ABL1: variants seen among roughly 807,000 people sequenced by gnomAD.
ABL1 encodes ABL proto-oncogene 1, non-receptor tyrosine kinase.
ABL1 carries 11 observed loss-of-function variants against 94.7 expected under a neutral mutation model. The ratio of observed to expected loss-of-function variants is 0.12; its 90% CI spans 0.07 to 0.19. The LOEUF is 0.19. ABL1 is among the 10% of genes least tolerant of loss of function. The pLI is 1.00. For synonymous variants in ABL1, 656 were observed against 622.4 expected (o/e 1.05, Z -0.80); for missense variants, 1,082 against 1,489.4 (o/e 0.73, Z 4.50).
At chr9:130,878,056 G>A (rs1041441917) in intron 7 of ABL1, among the ~76,000 whole-genome samples, 3 of 151,784 alleles carry the variant, frequency 2.0e-5, no homozygotes, top group Admixed American at 1.3e-4. Context: ...CTCGTGATCC[G>A]CCCGCCTCGG....
chr9:130,853,972 C>G, intron 1 of ABL1, 92 bp from the exon 2 acceptor site: 1 of 1,328,098 alleles, frequency 7.5e-7, no homozygotes, highest in Non-Finnish European at 1.0e-6. Context: ...ATGTTGGAAA[C>G]ACAAATATTT....
Position 130,835,329 on chromosome 9 carries a change from A to C in ABL1, c.-118A>C. The C allele has an allele frequency of 7.0e-6, 1 of 142,186 alleles. No individual in the cohort carries two copies. Among genetic ancestry groups the C allele is most frequent in the Non-Finnish European group, 7.7e-6 (1 of 129,394 alleles). The allele number at this position is 142,186 out of a possible 1,614,324, so 8.8% of individuals were successfully genotyped here. On this transcript the variant is annotated 5_prime_UTR_variant, in exon 1 of 11. The change abolishes the stop of an existing upstream ORF in the 5' untranslated region. Coordinates refer to ENST00000318560, the MANE Select transcript of ABL1 (RefSeq NM_005157.6). This position sits in a 1 kb window ranked among gnomAD's most constrained non-coding sequence, Gnocchi z 4.6. ...GGCGCGGGCGCGCGGGGCGGCGGTG[A>C]GGGCGGCTGGCGGGGCCGGGGGCGC...
At chr9:130,835,079 C>A, upstream of ABL1, 1 of 304,408 alleles carries the variant, frequency 3.3e-6, no homozygotes, top group Non-Finnish European at 6.5e-6. This position sits in a 1 kb window ranked among gnomAD's most constrained non-coding sequence, Gnocchi z 4.6. Context: ...CTTCCCCCTG[C>A]GAGGATCGCC....
intron 1 of ABL1, among the ~76,000 whole-genome samples, chr9:130,763,485 A>T (rs1832143092): frequency 6.6e-6 from 1 of 152,200 alleles, no homozygotes; most frequent in African/African-American, 2.4e-5. Flanking sequence ...GAAGTGGGTT[A>T]GCTGAGTGGT....
chr9:130,884,477 G>A lies in ABL1; in HGVS notation c.2187G>A (p.Thr729=), dbSNP rs35670116. 2.0e-4 allele frequency: 324 copies of A among 1,613,124 alleles called. 1 individual carries two copies. Among genetic ancestry groups the A allele is most frequent in the Admixed American group, 1.8e-3 (107 of 60,026 alleles). ...GCGTTCCCCATGGGGCCAAGGACAC[G>A]GAGTGGAGGTCAGTCACGCTGCCTC... ...ASCVPHGAKD[T]EWRSVTLPRD... Residue 729 remains threonine, a synonymous_variant, in exon 11 of 11, where the codon ACG becomes ACA. Transcript: ENST00000318560. This position sits in a 1 kb window ranked among gnomAD's most constrained non-coding sequence, Gnocchi z 5.6.
At chr9:130,876,433 G>C (rs1036491197) in intron 7 of ABL1, among the ~76,000 whole-genome samples, 5 of 145,128 alleles carry the variant, frequency 3.4e-5, no homozygotes, top group Non-Finnish European at 4.5e-5. Flanking sequence ...TGGAGCCAGA[G>C]TCTTGCTTTT....
chr9:130,817,614 A>G (rs1453153483), intron 1 of ABL1, among the ~76,000 whole-genome samples: 1 of 152,176 alleles, frequency 6.6e-6, no homozygotes, highest in Admixed American at 6.5e-5. Flanking sequence ...TGTTCAGTGT[A>G]CTCTCATGGC....
intron 1 of ABL1, chr9:130,724,747 T>TAAAAAA (rs34124679): frequency 3.2e-5 from 10 of 310,200 alleles, no homozygotes; most frequent in South Asian, 5.0e-5. Context: ...ACCCTGTCTT[T>TAAAAAA]AAAAAAAAAA....
At chr9:130,718,446 A>C (rs370105019) in intron 1 of ABL1, among the ~76,000 whole-genome samples, 1 of 152,086 alleles carries the variant, frequency 6.6e-6, no homozygotes, top group East Asian at 1.9e-4. Flanking sequence ...TAATAAAAAT[A>C]TTTGTTTTTA....
At chr9:130,878,199 C>T (rs1831385414) in intron 7 of ABL1, among the ~76,000 whole-genome samples, 1 of 152,192 alleles carries the variant, frequency 6.6e-6, no homozygotes, top group African/African-American at 2.4e-5. Context: ...AATCCTCCCA[C>T]TTCAGCCTCC....
intron 1 of ABL1, among the ~76,000 whole-genome samples, chr9:130,792,252 C>T (rs1012253521): frequency 6.6e-6 from 1 of 152,118 alleles, no homozygotes; most frequent in South Asian, 2.1e-4. Flanking sequence ...TTTAAGCTTC[C>T]CACTGCTAAT....
At chr9:130,769,163 A>G (rs1273244591) in intron 1 of ABL1, among the ~76,000 whole-genome samples, 4 of 152,140 alleles carry the variant, frequency 2.6e-5, no homozygotes, top group Non-Finnish European at 5.9e-5. Context: ...TAGTTAGATC[A>G]ATAACTTGTA....
intron 1 of ABL1, among the ~76,000 whole-genome samples, chr9:130,847,510 T>C (rs1350847424): frequency 1.3e-5 from 2 of 152,236 alleles, no homozygotes; most frequent in Non-Finnish European, 2.9e-5. Flanking sequence ...GCTGTGATCA[T>C]TTTTAAGGTT....
intron 7 of ABL1, among the ~76,000 whole-genome samples, chr9:130,876,038 G>T (rs36008335): frequency 1.3e-5 from 2 of 152,332 alleles, no homozygotes; most frequent in African/African-American, 4.8e-5. Context: ...ATGTTGGCCA[G>T]GATGGTCTCC....
intron 1 of ABL1, among the ~76,000 whole-genome samples, chr9:130,836,185 C>T (rs190193280): frequency 5.3e-5 from 8 of 152,260 alleles, no homozygotes; most frequent in East Asian, 1.9e-4. Flanking sequence ...TTTAAGAAGG[C>T]GTTTCCAAGG....
intron 1 of ABL1, among the ~76,000 whole-genome samples, chr9:130,750,019 A>G (rs963781651): frequency 6.8e-6 from 1 of 146,666 alleles, no homozygotes; most frequent in Non-Finnish European, 1.5e-5. Flanking sequence ...ACAAAAATTG[A>G]AAAAAAAATA....
At chr9:130,734,218 C>CTTTT (rs34635212) in intron 1 of ABL1, among the ~76,000 whole-genome samples, 1 of 143,894 alleles carries the variant, frequency 6.9e-6, no homozygotes, top group Non-Finnish European at 1.5e-5. Flanking sequence ...ATTGAATATT[C>CTTTT]TTTTTTTTTT....
intron 1 of ABL1, among the ~76,000 whole-genome samples, chr9:130,774,910 A>G (rs1266352435): frequency 6.6e-6 from 1 of 152,072 alleles, no homozygotes; most frequent in Non-Finnish European, 1.5e-5. Flanking sequence ...GGAAGGAAAG[A>G]AAGGAAAGAA....
chr9:130,789,802 T>C lies in ABL1; in HGVS notation c.137-64262T>C, dbSNP rs530016063. Among the ~76,000 whole-genome samples, 138 of 152,280 alleles carry C rather than the reference T, an allele frequency of 9.1e-4. 1 individual carries two copies. Among genetic ancestry groups the C allele is most frequent in the Non-Finnish European group, 1.5e-3 (99 of 68,016 alleles). On this transcript the variant is annotated intron_variant, in intron 1 of 10. Transcript: ENST00000372348. ...ATAAAAAATTTATGGATTGGTTAAA[T>C]GTTAGAATAGAAACAGCAGAAACCA... is the stretch of plus-strand genomic sequence containing the variant.
Sources: gnomAD v4.1 joint callset for allele counts (sites outside exome capture counted in the v4.1 genomes callset) on GRCh38, gnomAD v4.1.1 for gene constraint, Gnocchi (gnomAD v3.1) non-coding constraint, MANE v1.5 for transcripts, NCBI Gene and HGNC (gene_info 2026-07-23, HGNC 2026-07-21) for gene names.